The following GLI2 variants were observed in gnomAD, a reference collection of about 807,000 sequenced individuals.
The protein encoded by GLI2 is transcription activator GLI2.
Under a neutral mutation model 78.9 loss-of-function variants are expected in GLI2, and 22 were observed. That is an observed-to-expected ratio of 0.28 (90% CI 0.20 to 0.40). The LOEUF (loss-of-function observed/expected upper bound fraction) is 0.40. Among genes scored for constraint, GLI2 ranks in the 10% least tolerant of loss-of-function variants. The probability of loss-of-function intolerance (pLI) is 1.00; values close to 1 mark genes in which losing one functional copy is unlikely to be tolerated. For synonymous variants in GLI2, 974 were observed against 963.7 expected (o/e 1.01, Z -0.20); for missense variants, 2,097 against 2,213.2 (o/e 0.95, Z 1.05).
intron 2 of GLI2, among the ~76,000 whole-genome samples, chr2:120,845,354 G>A (rs181237383): frequency 2.0e-5 from 3 of 152,212 alleles, no homozygotes; most frequent in African/African-American, 4.8e-5. Flanking sequence ...ACGATGACAT[G>A]TCTTGTGGTT....
intron 1 of GLI2, among the ~76,000 whole-genome samples, chr2:120,782,209 AGT>A (rs1450273266): frequency 6.6e-6 from 1 of 152,200 alleles, no homozygotes; most frequent in Non-Finnish European, 1.5e-5. Context: ...TTAACCCTGT[AGT>A]GAACATCTTA....
intron 2 of GLI2, among the ~76,000 whole-genome samples, chr2:120,909,644 T>C (rs899218582): frequency 3.9e-5 from 6 of 152,120 alleles, no homozygotes; most frequent in Non-Finnish European, 8.8e-5. Context: ...GGCAGGCAGA[T>C]CACGAGGTCA....
At chr2:120,792,813 G>A (rs764353822) in intron 1 of GLI2, among the ~76,000 whole-genome samples, 5 of 152,052 alleles carry the variant, frequency 3.3e-5, no homozygotes, top group Non-Finnish European at 7.4e-5. Context: ...AATAGAGACG[G>A]CCTTTCATCA....
At chr2:120,859,682 C>T (rs4848642) in intron 2 of GLI2, among the ~76,000 whole-genome samples, 131,528 of 152,090 alleles carry the variant, frequency 0.86, 57,454 homozygotes, top group East Asian at 1. Context: ...CTCCATCTCT[C>T]GGCCTCAGGT....
chr2:120,924,892 C>T (rs1003090129), intron 2 of GLI2, among the ~76,000 whole-genome samples: 2 of 152,368 alleles, frequency 1.3e-5, no homozygotes, highest in Middle Eastern at 3.4e-3. Context: ...GCACAGTCTC[C>T]GGGCGAAGCG....
chr2:120,757,058 G>GA, intron 1 of GLI2, among the ~76,000 whole-genome samples: 1 of 152,084 alleles, frequency 6.6e-6, no homozygotes, highest in East Asian at 1.9e-4. Flanking sequence ...TTCATCTCTA[G>GA]AAGTTTGATT....
chr2:120,987,759 G>A (rs75244416), intron 13 of GLI2, among the ~76,000 whole-genome samples: 1,693 of 152,276 alleles, frequency 0.011, 19 homozygotes, highest in Non-Finnish European at 0.018. Flanking sequence ...CCTACGGAGA[G>A]GCACATTTAT....
intron 2 of GLI2, among the ~76,000 whole-genome samples, chr2:120,817,770 C>T (rs1418720639): frequency 6.6e-6 from 1 of 152,172 alleles, no homozygotes; most frequent in Non-Finnish European, 1.5e-5. Context: ...GTGCCCCTCC[C>T]CACCCATCCC....
chr2:120,856,599 G>A (rs1280667184), intron 2 of GLI2, among the ~76,000 whole-genome samples: 1 of 152,138 alleles, frequency 6.6e-6, no homozygotes, highest in Non-Finnish European at 1.5e-5. Flanking sequence ...CTGTGTAAGG[G>A]AGCTGGCTCA....
intron 2 of GLI2, among the ~76,000 whole-genome samples, chr2:120,854,861 C>T (rs1460902750): frequency 6.6e-6 from 1 of 152,204 alleles, no homozygotes; most frequent in Admixed American, 6.5e-5. Flanking sequence ...TTGTAAGTCC[C>T]CAGATGCTGC....
Position 120,951,465 on chromosome 2 carries a change from G to A in GLI2, c.457+20G>A. The A allele has an allele frequency of 6.5e-7, 1 of 1,548,636 alleles. No homozygotes were observed. Among genetic ancestry groups the A allele is most frequent in the Middle Eastern group, 1.7e-4 (1 of 5,806 alleles). On this transcript the variant is annotated intron_variant, in intron 4 of 13. Transcript: ENST00000361492. ...CTGATGGTGAGTAGGGTGTGGGGAT[G>A]GGGAGGGGCAGCTAGGGCACTGGGG...
chr2:120,819,239 A>ATTTT lies in GLI2; in HGVS notation c.148+21788_148+21791dup, dbSNP rs10701244. 9.0e-3 allele frequency among the ~76,000 whole-genome samples: 1,048 copies of ATTTT among 116,658 alleles called. 34 individuals carry two copies. The highest frequency in any genetic ancestry group is 0.031 in the African/African-American group (934 of 29,806). The allele number at this position is 116,658 out of a possible 152,430, so 76.5% of individuals were successfully genotyped here. ...GAGTGACAGAGTGCCACTAATAGAG[A>ATTTT]TTTTTTTTTTTTTTTTTTTTGAGAT... On this transcript the variant is annotated intron_variant, in intron 2 of 13. Transcript: ENST00000361492.
At chr2:120,831,487 G>A (rs544629944) in intron 2 of GLI2, among the ~76,000 whole-genome samples, 33 of 152,314 alleles carry the variant, frequency 2.2e-4, no homozygotes, top group African/African-American at 7.9e-4. Context: ...TTTCCTGGGT[G>A]ACAGGCCACA....
At chr2:120,753,126 G>A (rs1189163926) in intron 1 of GLI2, among the ~76,000 whole-genome samples, 4 of 125,712 alleles carry the variant, frequency 3.2e-5, no homozygotes, top group Non-Finnish European at 6.2e-5. Context: ...ACAGAGTCTC[G>A]CTCTGTTGCC....
chr2:120,906,261 C>G (rs1023473788), intron 2 of GLI2, among the ~76,000 whole-genome samples: 1 of 152,292 alleles, frequency 6.6e-6, no homozygotes, highest in Non-Finnish European at 1.5e-5. Flanking sequence ...GTGGTTTCCC[C>G]TCTCCCTGCC....
chr2:120,890,813 G>A (rs944895467), intron 2 of GLI2, among the ~76,000 whole-genome samples: 6 of 152,210 alleles, frequency 3.9e-5, no homozygotes, highest in African/African-American at 1.4e-4. Context: ...TGCTTACCTG[G>A]AGGCTGGTGG....
At chr2:120,844,821 C>G (rs1306260019) in intron 2 of GLI2, among the ~76,000 whole-genome samples, 1 of 152,116 alleles carries the variant, frequency 6.6e-6, no homozygotes, top group East Asian at 1.9e-4. Flanking sequence ...AGGGATAATC[C>G]TTATTGCTTT....
intron 1 of GLI2, among the ~76,000 whole-genome samples, chr2:120,795,987 T>C (rs1399096035): frequency 1.3e-5 from 2 of 152,160 alleles, no homozygotes; most frequent in Non-Finnish European, 2.9e-5. Context: ...GAGGTTGCGG[T>C]GAGCCAAGAT....
Position 120,934,901 on chromosome 2 carries a change from A to C in GLI2, c.254+7435A>C, listed in dbSNP as rs2166565. ...GTGTCCCATAAAGACTGCACCGTTCACCATGAGATTAATGAACACAGCAGC... is the reference window on the plus strand; with the variant it reads ...GTGTCCCATAAAGACTGCACCGTTCCCCATGAGATTAATGAACACAGCAGC... On this transcript the variant is annotated intron_variant, in intron 3 of 13. Coordinates refer to ENST00000361492, the MANE Select transcript of GLI2 (RefSeq NM_001374353.1). Among the ~76,000 whole-genome samples, 2 of 151,980 alleles carry C rather than the reference A, an allele frequency of 1.3e-5. 1 individual carries two copies. Among genetic ancestry groups the C allele is most frequent in the Non-Finnish European group, 2.9e-5 (2 of 68,030 alleles).
Sources: gnomAD v4.1 joint callset for allele counts (sites outside exome capture counted in the v4.1 genomes callset) on GRCh38, gnomAD v4.1.1 for gene constraint, MANE v1.5 for transcripts, NCBI Gene and HGNC (gene_info 2026-07-23, HGNC 2026-07-21) for gene names.